The following FAM178B variants were observed in gnomAD, a reference collection of about 807,000 sequenced individuals.
The protein encoded by FAM178B is family with sequence similarity 178 member B, also known as protein FAM178B.
A neutral mutation model predicts 91.7 loss-of-function variants in FAM178B; 82 were observed. That is an observed-to-expected ratio of 0.89 (90% CI 0.75 to 1.07). The LOEUF (loss-of-function observed/expected upper bound fraction) is 1.07. Among genes scored for constraint, FAM178B ranks in the 50% least tolerant of loss-of-function variants. The pLI, the probability that FAM178B is intolerant of heterozygous loss-of-function variation, is 0.00. For missense variants in FAM178B, 769 were observed against 846.7 expected (o/e 0.91, Z 1.14); for synonymous variants, 368 against 359.4 (o/e 1.02, Z -0.27).
intron 8 of FAM178B, among the ~76,000 whole-genome samples, chr2:96,940,316 C>G (rs1395199599): frequency 6.6e-6 from 1 of 152,186 alleles, no homozygotes; most frequent in Non-Finnish European, 1.5e-5. Context: ...CCACAGGAGA[C>G]GCGACCTGCA....
At chr2:96,942,809 A>C (rs953280242) in intron 8 of FAM178B, among the ~76,000 whole-genome samples, 1 of 152,232 alleles carries the variant, frequency 6.6e-6, no homozygotes, top group African/African-American at 2.4e-5. Flanking sequence ...CATATAAACC[A>C]ATGGAATAAA....
intron 6 of FAM178B, among the ~76,000 whole-genome samples, chr2:96,957,547 C>A (rs1262305485): frequency 6.6e-6 from 1 of 152,198 alleles, no homozygotes. Flanking sequence ...ATTTGGCAGG[C>A]CTGCTCTGAT....
At chr2:96,953,682 G>A (rs1476261374) in intron 6 of FAM178B, among the ~76,000 whole-genome samples, 2 of 152,234 alleles carry the variant, frequency 1.3e-5, no homozygotes, top group Non-Finnish European at 2.9e-5. Flanking sequence ...GCCCTGAGGT[G>A]ACTGGCTTTC....
chr2:96,900,163 G>A (rs1574215376), intron 13 of FAM178B, among the ~76,000 whole-genome samples: 1 of 152,166 alleles, frequency 6.6e-6, no homozygotes, highest in East Asian at 1.9e-4. Context: ...CTCTGCGCTG[G>A]GCCTGTCCGT....
At position 96,929,265 on chromosome 2, in the gene FAM178B, G is replaced by A; in HGVS notation, c.1134C>T (p.His378=). The A allele has an allele frequency of 1.9e-6, 3 of 1,551,676 alleles. No individual in the cohort carries two copies. The highest frequency in any genetic ancestry group is 1.2e-5 in the South Asian group (1 of 84,056). The part of the protein sequence containing the change: ...PSLQEVREAF[H]SLGAHSPALY... ...GGGCAGGACTGTGGGCACCCAGGCT[G>A]TGGAATGCCTCCCTGACTTCTTGCA... is the stretch of plus-strand genomic sequence containing the variant. Residue 378 remains histidine, a synonymous_variant, in exon 9 of 17, where the codon CAC becomes CAT. Coordinates refer to ENST00000490605, the MANE Select transcript of FAM178B (RefSeq NM_001122646.3).
intron 1 of FAM178B, among the ~76,000 whole-genome samples, chr2:96,977,055 C>T (rs1450947485): frequency 2.0e-5 from 3 of 149,660 alleles, no homozygotes; most frequent in African/African-American, 4.9e-5. Flanking sequence ...ATTAGCTGGG[C>T]GTGGTGGCAG....
chr2:96,882,898 G>A (rs1327809909), intron 14 of FAM178B, among the ~76,000 whole-genome samples: 1 of 152,242 alleles, frequency 6.6e-6, no homozygotes, highest in African/African-American at 2.4e-5. Flanking sequence ...AACATCATGG[G>A]GAAAGGCAGA....
At chr2:96,984,074 A>G (rs2082395055) in intron 1 of FAM178B, among the ~76,000 whole-genome samples, 1 of 152,024 alleles carries the variant, frequency 6.6e-6, no homozygotes, top group Non-Finnish European at 1.5e-5. Flanking sequence ...GGTTCAAGCG[A>G]TTCTCCTGCC....
intron 13 of FAM178B, among the ~76,000 whole-genome samples, chr2:96,898,866 GAC>G (rs2080872527): frequency 6.6e-6 from 1 of 152,232 alleles, no homozygotes; most frequent in African/African-American, 2.4e-5. Flanking sequence ...AAGAGGCCCA[GAC>G]ACAGCAAAAG....
intron 14 of FAM178B, among the ~76,000 whole-genome samples, chr2:96,882,183 C>T (rs987143958): frequency 6.6e-6 from 1 of 152,170 alleles, no homozygotes; most frequent in Admixed American, 6.5e-5. Context: ...AGCAAGGTGT[C>T]CCCACCCTCC....
chr2:96,901,660 G>A (rs1474997165), intron 13 of FAM178B, among the ~76,000 whole-genome samples: 5 of 152,116 alleles, frequency 3.3e-5, no homozygotes, highest in African/African-American at 1.2e-4. Flanking sequence ...CACTGTTGGG[G>A]GGTTGTGTTT....
chr2:96,973,853 A>T (rs1390561519), intron 1 of FAM178B, among the ~76,000 whole-genome samples: 3 of 151,890 alleles, frequency 2.0e-5, no homozygotes, highest in African/African-American at 4.8e-5. Flanking sequence ...TACAAAAAAA[A>T]TTAGCCAGGC....
chr2:96,923,184 G>A (rs1338085816), intron 10 of FAM178B, among the ~76,000 whole-genome samples: 7 of 151,904 alleles, frequency 4.6e-5, no homozygotes, highest in Admixed American at 4.6e-4. Flanking sequence ...TGTTGGTCAG[G>A]CTGGTCTGGA....
intron 8 of FAM178B, among the ~76,000 whole-genome samples, chr2:96,933,221 C>A (rs776778304): frequency 1.4e-4 from 22 of 151,760 alleles, no homozygotes; most frequent in Non-Finnish European, 2.9e-4. Context: ...CCAGCCTGGG[C>A]AACAAAGCGA....
At chr2:96,945,428 C>A (rs986226373) in intron 8 of FAM178B, among the ~76,000 whole-genome samples, 2 of 152,112 alleles carry the variant, frequency 1.3e-5, no homozygotes, top group Non-Finnish European at 2.9e-5. Context: ...AAGAATCTCC[C>A]TAGGATAGTC....
rs182920042 is a variant in FAM178B at position 96,975,850 on chromosome 2, G to A, written c.74-3244C>T. Among the ~76,000 whole-genome samples the A allele has an allele frequency of 5.9e-5, 9 of 152,306 alleles. 1 individual carries two copies. In the East Asian group the frequency reaches 1.3e-3, roughly 23 times the overall value. On this transcript the variant is annotated intron_variant, in intron 1 of 16. Coordinates refer to ENST00000490605, the MANE Select transcript of FAM178B (RefSeq NM_001122646.3). ...CAATCACAGTCTAAAAATAACAAGC[G>A]CAGAAGGCTTGCCTTGGCCTCCCAA...
chr2:96,985,926 C>T (rs17119736), intron 1 of FAM178B, among the ~76,000 whole-genome samples: 3,840 of 152,286 alleles, frequency 0.025, 148 homozygotes, highest in African/African-American at 0.086. Flanking sequence ...ACCAGCTACC[C>T]TTTGCACCCT....
At chr2:96,929,601 G>T (rs1396013027) in intron 8 of FAM178B, among the ~76,000 whole-genome samples, 3 of 152,238 alleles carry the variant, frequency 2.0e-5, no homozygotes, top group Admixed American at 6.5e-5. Context: ...ATCCACATCA[G>T]GCAGTAGTCA....
intron 12 of FAM178B, among the ~76,000 whole-genome samples, chr2:96,909,847 T>A (rs1177932619): frequency 6.6e-6 from 1 of 152,178 alleles, no homozygotes. Flanking sequence ...ATTAATAGCC[T>A]CATCCAAAAC....
Sources: allele counts gnomAD v4.1 joint callset (sites outside exome capture counted in the v4.1 genomes callset), GRCh38; gene constraint gnomAD v4.1.1; transcripts MANE v1.5; gene names NCBI Gene and HGNC (gene_info 2026-07-23, HGNC 2026-07-21).